The following SLC5A5 variants were observed in gnomAD, a reference collection of about 807,000 sequenced individuals.
SLC5A5 encodes the protein solute carrier family 5 member 5.
SLC5A5 carries 56 observed loss-of-function variants against 68.6 expected under a neutral mutation model. That is an observed-to-expected ratio of 0.82 (90% CI 0.66 to 1.02). The LOEUF is 1.02. SLC5A5 is among the 50% of genes least tolerant of loss of function. The probability of loss-of-function intolerance (pLI) is 0.00; values close to 1 mark genes in which losing one functional copy is unlikely to be tolerated. For synonymous variants in SLC5A5, 398 were observed against 373.0 expected (o/e 1.07, Z -0.77); for missense variants, 807 against 859.8 (o/e 0.94, Z 0.77).
intron 10 of SLC5A5, 122 bp from the exon 11 acceptor site, chr19:17,883,559 C>T: frequency 1.2e-6 from 1 of 832,350 alleles, no homozygotes; most frequent in Non-Finnish European, 2.1e-6. Flanking sequence ...GAAACTGAGA[C>T]ACAGAGGAGT....
chr19:17,885,088 C>T (rs1182101190), intron 12 of SLC5A5, among the ~76,000 whole-genome samples: 2 of 151,124 alleles, frequency 1.3e-5, no homozygotes, highest in African/African-American at 4.9e-5. Flanking sequence ...CTCACTGCTG[C>T]CTCAACCTCC....
Position 17,894,092 on chromosome 19 carries a change from C to T in SLC5A5, c.*215C>T, listed in dbSNP as rs13344000. On this transcript the variant is annotated 3_prime_UTR_variant, in exon 15 of 15. Coordinates refer to ENST00000222248, the MANE Select transcript of SLC5A5 (RefSeq NM_000453.3). Reference sequence around the variant, plus strand: ...TGCTTCAACCGTCCCCAGTATTAGACGCTGCAGCCCTGACGGCTCCCCCCA... The same window carrying T: ...TGCTTCAACCGTCCCCAGTATTAGATGCTGCAGCCCTGACGGCTCCCCCCA... 1.3e-3 allele frequency: 773 copies of T among 575,046 alleles called. 4 individuals are homozygous for T. Among genetic ancestry groups the T allele is most frequent in the African/African-American group, 0.013 (689 of 53,150 alleles). 35.6% of individuals were successfully genotyped at this position (575,046 alleles called of 1,614,324 possible).
At chr19:17,887,837 A>T (rs2029981920) in intron 12 of SLC5A5, among the ~76,000 whole-genome samples, 1 of 149,414 alleles carries the variant, frequency 6.7e-6, no homozygotes, top group African/African-American at 2.5e-5. Flanking sequence ...CGATCTCCTG[A>T]CCTCGTGATC....
At chr19:17,876,140 T>C in intron 5 of SLC5A5, 34 bp downstream of exon 5, 1 of 1,611,776 alleles carries the variant, frequency 6.2e-7, no homozygotes, top group Non-Finnish European at 8.5e-7. Flanking sequence ...TCCAGCAGGA[T>C]GGGGCTGGGA....
In SLC5A5 at chr19:17,874,181, C is replaced by G. The variant is rs754447808; in HGVS notation, c.401C>G (p.Thr134Ser). ...RFSRAVRLCG[T>S]LQYIVATMLY... ...AGCCGCGCAGTGCGGCTCTGCGGGA[C>G]TTTGCAGTACATTGTAGCCACGGTG... is the stretch of plus-strand genomic sequence containing the variant. Residue 134 changes from threonine to serine, a missense_variant, in exon 2 of 15, where the codon ACT becomes AGT. Transcript: ENST00000222248. 6 of 1,612,156 alleles carry G rather than the reference C, an allele frequency of 3.7e-6. No homozygotes were observed. Among genetic ancestry groups the G allele is most frequent in the Non-Finnish European group, 5.1e-6 (6 of 1,178,726 alleles).
Position 17,893,734 on chromosome 19 carries a change from G to A in SLC5A5, c.1789G>A (p.Gly597Arg), listed in dbSNP as rs536886161. ...LVKGPEELPT[G>R]NKKPPGFLPT... ...CCAGGGTCCTGAAGAACTCCCCACTGGAAACAAGAAGCCCCCTGGCTTCCT... is the reference window on the plus strand; with the variant it reads ...CCAGGGTCCTGAAGAACTCCCCACTAGAAACAAGAAGCCCCCTGGCTTCCT... The change falls in exon 15 of 15, where the codon GGA becomes AGA. Residue 597 changes from glycine (G) to arginine (R), a missense_variant. By Grantham distance (125) the Gly-to-Arg change is moderately radical (BLOSUM62 -2). Coordinates refer to ENST00000222248, the MANE Select transcript of SLC5A5 (RefSeq NM_000453.3). 39 of 1,614,000 alleles carry A rather than the reference G, an allele frequency of 2.4e-5. No homozygotes were observed. The highest frequency in any genetic ancestry group is 1.7e-4 in the Middle Eastern group (1 of 6,050).
chr19:17,877,583 C>T (rs1321428670), intron 5 of SLC5A5, 140 bp from the exon 6 acceptor site: 15 of 1,057,752 alleles, frequency 1.4e-5, no homozygotes, highest in Non-Finnish European at 2.1e-5. Context: ...GCTGGGATTA[C>T]AGGCATGAGC....
intron 12 of SLC5A5, among the ~76,000 whole-genome samples, chr19:17,886,990 C>T (rs945993120): frequency 1.3e-5 from 2 of 152,076 alleles, no homozygotes; most frequent in Non-Finnish European, 2.9e-5. Flanking sequence ...CAAAGAGGAT[C>T]GCTTGAGCCT....
At chr19:17,879,923 A>G (rs1191436737) in intron 7 of SLC5A5, among the ~76,000 whole-genome samples, 2 of 151,008 alleles carry the variant, frequency 1.3e-5, no homozygotes, top group African/African-American at 4.9e-5. Context: ...TTTTTGAGCC[A>G]GAGTCTCACT....
Position 17,872,194 on chromosome 19 carries a change from GC to G in SLC5A5, c.-125del. ...CTCGCCGCTTCCCACCCCAGACGGA[GC>G]GGGGACAGGCTGCCGAGCATCCTCC... On this transcript the variant is annotated 5_prime_UTR_variant, in exon 1 of 15. Coordinates refer to ENST00000222248, the MANE Select transcript of SLC5A5 (RefSeq NM_000453.3). 1 of 702,844 alleles carries G rather than the reference GC, an allele frequency of 1.4e-6. No individual in the cohort carries two copies. The highest frequency in any genetic ancestry group is 2.4e-6 in the Non-Finnish European group (1 of 420,640). 43.5% of individuals were successfully genotyped at this position (702,844 alleles called of 1,614,324 possible). A position where few individuals can be genotyped will look rare whatever the true frequency, so the allele number is the denominator to read the frequency against.
rs768930633 is a variant in SLC5A5 at position 17,874,473 on chromosome 19, C to T, written c.424-21C>T. ...CGCCCAGACGCCCTCCCTGCTCACC[C>T]GCCCCACACTCTGTCTACAGATGCT... is the stretch of plus-strand genomic sequence containing the variant. On this transcript the variant is annotated intron_variant, in intron 2 of 14. Coordinates refer to ENST00000222248, the MANE Select transcript of SLC5A5 (RefSeq NM_000453.3). The T allele has an allele frequency of 5.6e-6, 9 of 1,613,590 alleles. No individual in the cohort carries two copies. The African/African-American group carries it at 6.7e-5, about 12-fold the overall frequency.
Position 17,877,991 on chromosome 19 carries a change from G to C in SLC5A5, c.867G>C (p.Leu289=). The part of the protein sequence containing the change: ...KLALLINQVG[L]FLIVSSAACC... The stretch of plus-strand genomic sequence containing the variant: ...CCCTGCTCATCAACCAGGTCGGCCT[G>C]TTCCTGATCGTGTCCAGCGCTGCCT... The change falls in exon 7 of 15, where the codon CTG becomes CTC. Residue 289 remains leucine, a synonymous_variant. Transcript: ENST00000222248. The C allele has an allele frequency of 6.2e-7, 1 of 1,613,462 alleles. No individual in the cohort carries two copies. Among genetic ancestry groups the C allele is most frequent in the Non-Finnish European group, 8.5e-7 (1 of 1,180,032 alleles).
Position 17,883,854 on chromosome 19 carries a change from TC to T in SLC5A5, c.1336del (p.Leu446SerfsTer4), listed in dbSNP as rs752733008. 6.3e-7 allele frequency: 1 copy of T among 1,596,844 alleles called. No individual in the cohort carries two copies. Among genetic ancestry groups the T allele is most frequent in the South Asian group, 1.1e-5 (1 of 89,682 alleles). Reference protein sequence around the residue: ...MFLPACNTPGVLAGLGAGLAL... With the variant: ...MFLPACNTPGXLAGLGAGLAL... ...TGACGCCGGCTCTGCCCCCAGGGCG[TC>T]CTCGCGGGACTAGGCGCGGGCTTGG... is the stretch of plus-strand genomic sequence containing the variant. On this transcript the variant is annotated frameshift_variant, in exon 12 of 15. Transcript: ENST00000222248.
intron 14 of SLC5A5, among the ~76,000 whole-genome samples, chr19:17,891,602 CT>C (rs1318858993): frequency 7.2e-5 from 11 of 152,188 alleles, no homozygotes; most frequent in Non-Finnish European, 1.0e-4. Flanking sequence ...GACTTCCAAT[CT>C]TTGGCAGGTG....
At chr19:17,875,309 G>A (rs2094304190) in intron 4 of SLC5A5, among the ~76,000 whole-genome samples, 1 of 152,022 alleles carries the variant, frequency 6.6e-6, no homozygotes, top group South Asian at 2.1e-4. Flanking sequence ...GGTGGAGGTT[G>A]CGGTGCGTGG....
At chr19:17,893,299 T>C (rs2030271036) in intron 14 of SLC5A5, among the ~76,000 whole-genome samples, 1 of 151,908 alleles carries the variant, frequency 6.6e-6, no homozygotes, top group African/African-American at 2.4e-5. Flanking sequence ...GATGGGGTTT[T>C]GCCATATTGG....
rs541853512 is a variant in SLC5A5 at position 17,883,969 on chromosome 19, C to T, written c.1449C>T (p.Cys483=). The T allele has an allele frequency of 1.2e-5, 19 of 1,566,490 alleles. No individual in the cohort carries two copies. In the South Asian group the frequency reaches 1.6e-4, roughly 13 times the overall value. Residue 483 remains cysteine (C), a synonymous_variant, in exon 12 of 15, where the codon TGC becomes TGT. Transcript: ENST00000222248. ...MRVLPSSAAR[C]VALSVNASGL... ...TCCTGCCATCGTCGGCTGCCCGCTG[C>T]GTGGCTCTCTCAGTCAACGCCTCTG... is the stretch of plus-strand genomic sequence containing the variant.
rs980345507 is a variant in SLC5A5, at chr19:17,893,460, A to G, written c.1768-253A>G. Reference sequence around the variant, plus strand: ...AGAGAAGCAGAGAAAGGAGGGAGGAACTATAGCAGGCATCTGAGAAAGCGT... The same window carrying G: ...AGAGAAGCAGAGAAAGGAGGGAGGAGCTATAGCAGGCATCTGAGAAAGCGT... On this transcript the variant is annotated intron_variant, in intron 14 of 14. Transcript: ENST00000222248. Among the ~76,000 whole-genome samples the G allele has an allele frequency of 3.9e-5, 6 of 152,082 alleles. No homozygotes were observed. In the East Asian group the frequency reaches 5.8e-4, roughly 15 times the overall value.
At chr19:17,876,180 A>G (rs1183725839) in intron 5 of SLC5A5, 74 bp downstream of exon 5, 2 of 1,532,678 alleles carry the variant, frequency 1.3e-6, no homozygotes, top group African/African-American at 1.4e-5. Flanking sequence ...CTGTAATCCC[A>G]GCACTTTGGG....
Sources: gnomAD v4.1 joint callset for allele counts (sites outside exome capture counted in the v4.1 genomes callset) on GRCh38, gnomAD v4.1.1 for gene constraint, MANE v1.5 for transcripts, NCBI Gene and HGNC (gene_info 2026-07-23, HGNC 2026-07-21) for gene names.